Variants in CFAP70 observed in about 807,000 individuals in gnomAD.
CFAP70 encodes the protein cilia- and flagella-associated protein 70.
A neutral mutation model predicts 137.6 loss-of-function variants in CFAP70; 81 were observed. The observed-to-expected ratio is 0.59, with a 90% CI of 0.49 to 0.71. CFAP70 has a LOEUF of 0.71. Ranked by LOEUF, CFAP70 falls within the 30% of genes least tolerant of loss-of-function variation. The probability of loss-of-function intolerance (pLI) is 0.00; values close to 1 mark genes in which losing one functional copy is unlikely to be tolerated. For missense variants in CFAP70, 976 were observed against 1,226.7 expected (o/e 0.80, Z 3.05); for synonymous variants, 382 against 423.6 (o/e 0.90, Z 1.20).
chr10:73,307,299 A>T (rs1428624391), intron 12 of CFAP70, among the ~76,000 whole-genome samples: 1 of 152,220 alleles, frequency 6.6e-6, no homozygotes, highest in Non-Finnish European at 1.5e-5. Flanking sequence ...GGAACTGAAG[A>T]ACAAAAAAAA....
In CFAP70 at chr10:73,312,480, C is replaced by T. The variant is rs372345561; in HGVS notation, c.1076G>A (p.Gly359Glu). Residue 359 changes from glycine to glutamate, a missense_variant, in exon 10 of 27, where the codon GGG (glycine) becomes GAG (glutamate). Gly to Glu is a moderately conservative substitution (Grantham distance 98). Transcript: ENST00000310715. The stretch of plus-strand genomic sequence containing the variant: ...ACCTTCTCAACAACCTACCACATCC[C>T]CAGGCCTAGGCCTTCCATCTATATC... The T allele has an allele frequency of 3.1e-6, 5 of 1,593,478 alleles. No homozygotes were observed. Among genetic ancestry groups the T allele is most frequent in the Non-Finnish European group, 4.3e-6 (5 of 1,173,168 alleles).
chr10:73,258,322 G>T (rs2044733095), intron 25 of CFAP70, among the ~76,000 whole-genome samples: 2 of 152,204 alleles, frequency 1.3e-5, no homozygotes, highest in Admixed American at 6.5e-5. Context: ...TCTTATGCCT[G>T]TCTTTACTGC....
intron 5 of CFAP70, among the ~76,000 whole-genome samples, chr10:73,342,449 G>A (rs1589562031): frequency 6.6e-6 from 1 of 152,150 alleles, no homozygotes; most frequent in East Asian, 1.9e-4. Flanking sequence ...AGGCTGAGGT[G>A]AGAGGATTGC....
chr10:73,336,318 A>C (rs1352962275), intron 6 of CFAP70, among the ~76,000 whole-genome samples: 2 of 152,190 alleles, frequency 1.3e-5, no homozygotes, highest in Non-Finnish European at 2.9e-5. Flanking sequence ...ATATAATTTG[A>C]ATGTCTAAAA....
At chr10:73,264,523 T>C (rs2045573852) in intron 25 of CFAP70, among the ~76,000 whole-genome samples, 1 of 152,230 alleles carries the variant, frequency 6.6e-6, no homozygotes, top group East Asian at 1.9e-4. Context: ...CATTTGTAAC[T>C]TCCTTTGAAG....
intron 1 of CFAP70, among the ~76,000 whole-genome samples, chr10:73,355,430 A>C (rs2054594527): frequency 6.6e-6 from 1 of 152,180 alleles, no homozygotes; most frequent in South Asian, 2.1e-4. Flanking sequence ...GTCTAGCTGC[A>C]GGAAAACAAG....
At chr10:73,254,452 C>A (rs1403102863) in intron 26 of CFAP70, 1 of 153,514 alleles carries the variant, frequency 6.5e-6, no homozygotes, top group African/African-American at 2.4e-5. Context: ...TATATTAGAT[C>A]TGGTTTTAGT....
Position 73,286,268 on chromosome 10 carries a change from C to A in CFAP70, c.2239+4958G>T, listed in dbSNP as rs1355498792. ...GACCAGCCTGGCGAACATGGTGAAACCCCGTCTCTACTAAAAATACAAAAA... is the reference window on the plus strand; with the variant it reads ...GACCAGCCTGGCGAACATGGTGAAAACCCGTCTCTACTAAAAATACAAAAA... On this transcript the variant is annotated intron_variant, in intron 19 of 26. Coordinates refer to ENST00000310715, the Ensembl canonical transcript of CFAP70. 3.3e-5 allele frequency among the ~76,000 whole-genome samples: 5 copies of A among 152,026 alleles called. 1 individual carries two copies. The South Asian group carries it at 1.0e-3, about 32-fold the overall frequency.
chr10:73,261,064 AC>A (rs2045123646), intron 25 of CFAP70, among the ~76,000 whole-genome samples: 2 of 152,114 alleles, frequency 1.3e-5, no homozygotes, highest in African/African-American at 4.8e-5. Flanking sequence ...TTACAACCCT[AC>A]CAGTAATGTA....
At chr10:73,255,331 C>T (rs1166427816) in intron 26 of CFAP70, among the ~76,000 whole-genome samples, 5 of 152,080 alleles carry the variant, frequency 3.3e-5, no homozygotes, top group African/African-American at 9.6e-5. Context: ...GGAGGCGGAG[C>T]TTGCAGTGAG....
intron 7 of CFAP70, among the ~76,000 whole-genome samples, chr10:73,332,270 A>C (rs1327268387): frequency 6.6e-6 from 1 of 152,194 alleles, no homozygotes; most frequent in Non-Finnish European, 1.5e-5. Context: ...CACTTACATA[A>C]GTTTTAAATC....
intron 25 of CFAP70, among the ~76,000 whole-genome samples, chr10:73,268,509 T>C (rs1475296157): frequency 1.3e-5 from 2 of 152,112 alleles, no homozygotes; most frequent in Non-Finnish European, 2.9e-5. Flanking sequence ...TCTGTATATA[T>C]ATCCTATTTT....
intron 25 of CFAP70, among the ~76,000 whole-genome samples, chr10:73,264,206 C>T (rs544272726): frequency 6.6e-6 from 1 of 152,256 alleles, no homozygotes; most frequent in South Asian, 2.1e-4. Flanking sequence ...GGAATTTTGG[C>T]CATCTTCCAA....
rs2052568819 is a variant in CFAP70, at chr10:73,335,637, A to G, written c.583-113T>C. On this transcript the variant is annotated intron_variant, in intron 6 of 26. Coordinates refer to ENST00000310715, the Ensembl canonical transcript of CFAP70. ...TCACAATACTTTTCTTAGTATTATTACTACTATAAGTATGACTACTATTGC... is the reference window on the plus strand; with the variant it reads ...TCACAATACTTTTCTTAGTATTATTGCTACTATAAGTATGACTACTATTGC... The G allele has an allele frequency of 4.7e-6, 3 of 632,762 alleles. No individual in the cohort carries two copies. The South Asian group carries it at 8.4e-5, about 18-fold the overall frequency. 39.2% of individuals were successfully genotyped at this position (632,762 alleles called of 1,614,324 possible). A position where few individuals can be genotyped will look rare whatever the true frequency, so the allele number is the denominator to read the frequency against.
Position 73,275,763 on chromosome 10 carries a change from T to C in CFAP70, c.2521-165A>G. On this transcript the variant is annotated intron_variant, in intron 21 of 26. Transcript: ENST00000310715. The surrounding 1 kb of genome is among the most constrained non-coding windows in gnomAD (Gnocchi z 4.0). ...GGGTGAATTACAAACATTCTGCACT[T>C]CATAGTTCCATTACCAGCTATTCAC... The C allele has an allele frequency of 1.7e-6, 1 of 579,640 alleles. No homozygotes were observed. Among genetic ancestry groups the C allele is most frequent in the Non-Finnish European group, 2.8e-6 (1 of 360,426 alleles). The allele number at this position is 579,640 out of a possible 1,614,324, so 35.9% of individuals were successfully genotyped here.
chr10:73,255,688 G>A (rs2133484507), intron 26 of CFAP70, among the ~76,000 whole-genome samples: 1 of 152,070 alleles, frequency 6.6e-6, no homozygotes, highest in South Asian at 2.1e-4. Context: ...GGGACCACAG[G>A]TGCCCACCAA....
At chr10:73,267,932 C>A (rs1020325044) in intron 25 of CFAP70, among the ~76,000 whole-genome samples, 1 of 152,112 alleles carries the variant, frequency 6.6e-6, no homozygotes, top group Non-Finnish European at 1.5e-5. Flanking sequence ...GACATGTGGT[C>A]CTTCTCCATA....
intron 6 of CFAP70, among the ~76,000 whole-genome samples, chr10:73,335,800 A>T (rs967109991): frequency 7.3e-5 from 11 of 151,612 alleles, no homozygotes; most frequent in Admixed American, 7.2e-4. Flanking sequence ...AATGATTCTC[A>T]ACTCTAGATG....
Position 73,327,742 on chromosome 10 carries a change from C to T in CFAP70, c.777+3435G>A, listed in dbSNP as rs1371122020. ...ATGAGTGAATTCCCATTCACAATTGCTTCAAAGAGAATAAAATACCTAGGA... is the reference window on the plus strand; with the variant it reads ...ATGAGTGAATTCCCATTCACAATTGTTTCAAAGAGAATAAAATACCTAGGA... On this transcript the variant is annotated intron_variant, in intron 8 of 26. Coordinates refer to ENST00000310715, the Ensembl canonical transcript of CFAP70. 2.0e-5 allele frequency among the ~76,000 whole-genome samples: 3 copies of T among 152,124 alleles called. No individual in the cohort carries two copies. In the East Asian group the frequency reaches 5.8e-4, roughly 29 times the overall value.
Sources: allele counts gnomAD v4.1 joint callset (sites outside exome capture counted in the v4.1 genomes callset), GRCh38; gene constraint gnomAD v4.1.1; non-coding constraint Gnocchi (gnomAD v3.1); transcripts MANE v1.5; gene names NCBI Gene and HGNC (gene_info 2026-07-23, HGNC 2026-07-21).